The following PRDM15 variants were observed in gnomAD, a reference collection of about 807,000 sequenced individuals.
PRDM15 encodes the protein PR/SET domain 15.
In PRDM15, 64 loss-of-function variants were observed where a neutral mutation model predicts 128.6. The ratio of observed to expected loss-of-function variants is 0.50; its 90% CI spans 0.41 to 0.61. The LOEUF is 0.61. Among genes scored for constraint, PRDM15 ranks in the 20% least tolerant of loss-of-function variants. PRDM15 has a pLI of 0.00. For missense variants in PRDM15, 1,242 were observed against 1,569.1 expected, an observed-to-expected ratio of 0.79 and a Z score of 3.52; for synonymous variants, 615 against 621.8, an observed-to-expected ratio of 0.99 and a Z score of 0.16.
chr21:41,869,439 ATT>A (rs575371462), intron 1 of PRDM15, among the ~76,000 whole-genome samples: 3,397 of 125,382 alleles, frequency 0.027, 52 homozygotes, highest in South Asian at 0.077. Flanking sequence ...ATCACCGGCT[ATT>A]TTTTTTTTTT....
rs2061345841 is a variant in PRDM15, at chr21:41,798,342, A to T, written c.*2898T>A. The T allele has an allele frequency of 6.6e-6, 1 of 152,208 alleles. No individual in the cohort carries two copies. Among genetic ancestry groups the T allele is most frequent in the Admixed American group, 6.5e-5 (1 of 15,280 alleles). 9.4% of individuals were successfully genotyped at this position (152,208 alleles called of 1,614,324 possible). On this transcript the variant is annotated 3_prime_UTR_variant, in exon 24 of 24. Transcript: ENST00000398548. ...TTTCACAATCCAATGGGAAAGCCCA[A>T]GACGCCGCCTCTAGTGGGGAAGCCA... is the stretch of plus-strand genomic sequence containing the variant.
rs2061420255 is a variant in PRDM15, at chr21:41,801,638, T to A, written c.3028A>T (p.Thr1010Ser). Residue 1010 changes from threonine to serine, a missense_variant, in exon 24 of 24, where the codon ACT becomes TCT. By Grantham distance (58) the Thr-to-Ser change is moderately conservative (BLOSUM62 1). This residue lies in a region of PRDM15 where 602 missense variants were observed against 788.3 expected (regional missense o/e 0.76). Transcript: ENST00000398548. ...LTNITVTPIT[T>S]AAATQFTNLQ... The stretch of plus-strand genomic sequence containing the variant: ...TTGGTAAACTGAGTCGCGGCCGCAG[T>A]GGTGATGGGGGTCACGGTGATGTTG... The A allele has an allele frequency of 6.2e-7, 1 of 1,614,044 alleles. No homozygotes were observed. The highest frequency in any genetic ancestry group is 1.3e-5 in the African/African-American group (1 of 74,966).
At position 41,799,042 on chromosome 21, in the gene PRDM15, C is replaced by T. The variant is rs981166948; in HGVS notation, c.*2198G>A. ...GAGATAAACAGTGGTATATACCACA[C>T]AATCTAAATTAGGTTCTTTAACAAC... On this transcript the variant is annotated 3_prime_UTR_variant, in exon 24 of 24. Coordinates refer to ENST00000398548, the MANE Select transcript of PRDM15 (RefSeq NM_001040424.3). 2.0e-5 allele frequency: 3 copies of T among 152,146 alleles called. No individual in the cohort carries two copies. Among genetic ancestry groups the T allele is most frequent in the Admixed American group, 1.3e-4 (2 of 15,288 alleles). 9.4% of individuals were successfully genotyped at this position (152,146 alleles called of 1,614,324 possible).
At chr21:41,808,236 G>A (rs1043354239) in intron 21 of PRDM15, among the ~76,000 whole-genome samples, 3 of 152,082 alleles carry the variant, frequency 2.0e-5, no homozygotes, top group South Asian at 2.1e-4. Context: ...CTGGCGCTTC[G>A]GGTTCCTACT....
intron 18 of PRDM15, among the ~76,000 whole-genome samples, chr21:41,819,297 A>C (rs1309144888): frequency 6.6e-6 from 1 of 151,962 alleles, no homozygotes; most frequent in Non-Finnish European, 1.5e-5. Context: ...GGCCTGGCTG[A>C]GCCTGGCCCG....
Position 41,871,509 on chromosome 21 carries a change from G to A in PRDM15, c.-10+7761C>T, listed in dbSNP as rs75635009. The A allele has an allele frequency of 4.2e-3, 6,727 of 1,605,892 alleles. 107 individuals are homozygous for A. In the East Asian group the frequency reaches 0.056, roughly 13 times the overall value. On this transcript the variant is annotated intron_variant, in intron 1 of 23. Coordinates refer to ENST00000398548, the MANE Select transcript of PRDM15 (RefSeq NM_001040424.3). ...GTGAGCCCACCAGGAGGTAGGGCAGGATTGCGTCGCAGGCCTGCACTCGCA... is the reference window on the plus strand; with the variant it reads ...GTGAGCCCACCAGGAGGTAGGGCAGAATTGCGTCGCAGGCCTGCACTCGCA...
At chr21:41,843,792 C>T (rs1229982472) in intron 6 of PRDM15, among the ~76,000 whole-genome samples, 2 of 152,106 alleles carry the variant, frequency 1.3e-5, no homozygotes, top group Non-Finnish European at 2.9e-5. Flanking sequence ...GAGCAAGACC[C>T]TGTCTGTACA....
rs763999852 is a variant in PRDM15 at position 41,810,300 on chromosome 21, C to T, written c.2506G>A (p.Asp836Asn). The T allele has an allele frequency of 2.0e-5, 33 of 1,613,374 alleles. No individual in the cohort carries two copies. Among genetic ancestry groups the T allele is most frequent in the Middle Eastern group, 1.6e-4 (1 of 6,082 alleles). Residue 836 changes from aspartate to asparagine, a missense_variant, in exon 21 of 24, where the codon GAC (aspartate) becomes AAC (asparagine). Physicochemically the swap from Asp to Asn is conservative, Grantham distance 23. Coordinates refer to ENST00000398548, the MANE Select transcript of PRDM15 (RefSeq NM_001040424.3). The surrounding 1 kb of genome is among the most constrained non-coding windows in gnomAD (Gnocchi z 6.4). ...VGKQWTCSVC[D>N]KKYVTEYMLQ... The stretch of plus-strand genomic sequence containing the variant: ...ATGTACTCGGTCACGTACTTCTTGT[C>T]GCACACGGAGCACGTCCACTGCTTG...
At position 41,859,631 on chromosome 21, in the gene PRDM15, A is replaced by T; in HGVS notation, c.92T>A (p.Val31Glu). The change falls in exon 3 of 24, where the codon GTG (valine) becomes GAG (glutamate). Residue 31 changes from valine (V) to glutamate (E), a missense_variant. Coordinates refer to ENST00000398548, the MANE Select transcript of PRDM15 (RefSeq NM_001040424.3). The surrounding 1 kb of genome is among the most constrained non-coding windows in gnomAD (Gnocchi z 5.3). The stretch of plus-strand genomic sequence containing the variant: ...CACAAAGGAGTCTTTGACCATGACC[A>T]CTGGGCCCAGCTCGGGACATTCGGA... ...HDSECPELGPVVMVKDSFVLS... is the reference protein window; with the variant it reads ...HDSECPELGPEVMVKDSFVLS... The T allele has an allele frequency of 2.5e-6, 4 of 1,613,862 alleles. No individual in the cohort carries two copies. Among genetic ancestry groups the T allele is most frequent in the Non-Finnish European group, 3.4e-6 (4 of 1,179,956 alleles).
At position 41,801,582 on chromosome 21, in the gene PRDM15, G is replaced by A. The variant is rs1308801173; in HGVS notation, c.3084C>T (p.Thr1028=). The change falls in exon 24 of 24, where the codon ACC becomes ACT. Residue 1028 remains threonine (T), a synonymous_variant. Transcript: ENST00000398548. ...CCAGCTGTAACTGGCGTTCAGGGGT[G>A]GTAAGGTGCCCCACGGCCACCGGCT... ...NLQPVAVGHL[T]TPERQLQLDN... 6.2e-7 allele frequency: 1 copy of A among 1,614,038 alleles called. No homozygotes were observed. Among genetic ancestry groups the A allele is most frequent in the East Asian group, 2.2e-5 (1 of 44,902 alleles).
At position 41,857,872 on chromosome 21, in the gene PRDM15, C is replaced by T. The variant is rs530848144; in HGVS notation, c.132-543G>A. Reference sequence around the variant, plus strand: ...GGCAAACTACCCATAATCTTGTGGCCTTAGCTACACAAGGCCGACCACAGG... The same window carrying T: ...GGCAAACTACCCATAATCTTGTGGCTTTAGCTACACAAGGCCGACCACAGG... On this transcript the variant is annotated intron_variant, in intron 3 of 23. Transcript: ENST00000398548. Among the ~76,000 whole-genome samples, 14 of 152,338 alleles carry T rather than the reference C, an allele frequency of 9.2e-5. No homozygotes were observed. In the South Asian group the frequency reaches 2.7e-3, roughly 29 times the overall value.
rs774816793 is a variant in PRDM15, at chr21:41,836,585, C to T, written c.1066G>A (p.Gly356Ser). 1.9e-5 allele frequency: 31 copies of T among 1,613,224 alleles called. No individual in the cohort carries two copies. The highest frequency in any genetic ancestry group is 3.3e-5 in the South Asian group (3 of 91,054). The stretch of plus-strand genomic sequence containing the variant: ...TGTTTGATGAGCTTGCGCCGGATGC[C>T]GTGTCTGCTTGAGAGAATTAAGCTC... ...KRSLILSSRH[G>S]IRRKLIKQLG... The change falls in exon 9 of 24, where the codon GGC becomes AGC. Residue 356 changes from glycine (G) to serine (S), a missense_variant. Physicochemically the swap from Gly to Ser is moderately conservative, Grantham distance 56. Coordinates refer to ENST00000398548, the MANE Select transcript of PRDM15 (RefSeq NM_001040424.3).
intron 1 of PRDM15, among the ~76,000 whole-genome samples, chr21:41,868,836 C>T (rs1055682188): frequency 5.3e-5 from 8 of 151,634 alleles, no homozygotes; most frequent in African/African-American, 1.9e-4. Flanking sequence ...AGTACAGGTG[C>T]CCACCACCAT....
intron 19 of PRDM15, chr21:41,812,671 C>T (rs539391383): frequency 9.2e-5 from 14 of 152,178 alleles, no homozygotes; most frequent in African/African-American, 3.1e-4. Context: ...CAGACGGCCA[C>T]GTGAGGAAAG....
intron 6 of PRDM15, among the ~76,000 whole-genome samples, chr21:41,841,106 T>C (rs2146637252): frequency 6.6e-6 from 1 of 152,084 alleles, no homozygotes; most frequent in African/African-American, 2.4e-5. Context: ...GGCTAAACAA[T>C]GAGCAAGATA....
At position 41,832,356 on chromosome 21, in the gene PRDM15, A is replaced by G. The variant is rs1178041421; in HGVS notation, c.1366+3081T>C. On this transcript the variant is annotated intron_variant, in intron 11 of 23. Coordinates refer to ENST00000398548, the MANE Select transcript of PRDM15 (RefSeq NM_001040424.3). The surrounding 1 kb of genome is among the most constrained non-coding windows in gnomAD (Gnocchi z 4.2). ...CCTTACAGCACTGTGGCATCGGATC[A>G]CCACAGGCCACACCTTTACAGCACT... Among the ~76,000 whole-genome samples, 3 of 151,492 alleles carry G rather than the reference A, an allele frequency of 2.0e-5. No individual in the cohort carries two copies. Among genetic ancestry groups the G allele is most frequent in the Non-Finnish European group, 4.4e-5 (3 of 67,936 alleles).
At chr21:41,855,722 A>G (rs75290330) in intron 4 of PRDM15, among the ~76,000 whole-genome samples, 1,979 of 152,274 alleles carry the variant, frequency 0.013, 36 homozygotes, top group African/African-American at 0.045. Flanking sequence ...GACCACCAAA[A>G]TGGGCACAAA....
intron 13 of PRDM15, among the ~76,000 whole-genome samples, chr21:41,824,545 A>T (rs1196760280): frequency 1.2e-5 from 1 of 80,720 alleles, no homozygotes; most frequent in Non-Finnish European, 2.7e-5. Context: ...TTGTTTGCAC[A>T]AACAATCTCT....
intron 5 of PRDM15, among the ~76,000 whole-genome samples, chr21:41,850,535 C>T (rs8129437): frequency 0.1 from 15,651 of 152,080 alleles, 848 homozygotes; most frequent in East Asian, 0.23. Context: ...CAAGACCAGC[C>T]TAGGCAACAC....
Sources: gnomAD v4.1 joint callset for allele counts (sites outside exome capture counted in the v4.1 genomes callset) on GRCh38, gnomAD v4.1.1 for gene constraint, gnomAD v4.1.1 regional missense constraint, Gnocchi (gnomAD v3.1) non-coding constraint, MANE v1.5 for transcripts, NCBI Gene and HGNC (gene_info 2026-07-23, HGNC 2026-07-21) for gene names.